The following CEP70 variants were observed in gnomAD, a reference collection of about 807,000 sequenced individuals.
CEP70 encodes the protein centrosomal protein 70, also known as centrosomal protein of 70 kDa.
A neutral mutation model predicts 90.9 loss-of-function variants in CEP70; 70 were observed. That is an observed-to-expected ratio of 0.77 (90% confidence interval 0.64 to 0.94). The LOEUF (loss-of-function observed/expected upper bound fraction) is 0.94, where lower values mean the gene tolerates loss of function less well. Ranked by LOEUF, CEP70 falls within the 40% of genes least tolerant of loss-of-function variation. The pLI is 0.00. For synonymous variants in CEP70, 220 were observed against 228.3 expected, an observed-to-expected ratio of 0.96 and a Z score of 0.33; for missense variants, 648 against 669.0, an observed-to-expected ratio of 0.97 and a Z score of 0.35.
intron 6 of CEP70, among the ~76,000 whole-genome samples, chr3:138,540,393 A>C (rs1306299833): frequency 6.6e-6 from 1 of 151,904 alleles, no homozygotes; most frequent in Non-Finnish European, 1.5e-5. Flanking sequence ...CAGGAGGCTG[A>C]AGGAGGGGAA....
intron 10 of CEP70, among the ~76,000 whole-genome samples, chr3:138,527,239 C>T (rs186642188): frequency 1.4e-4 from 20 of 147,278 alleles, no homozygotes; most frequent in Admixed American, 1.3e-3. Context: ...GATCACAGCT[C>T]ACTGCAGCCT....
chr3:138,507,682 C>T (rs1168837298), intron 12 of CEP70, among the ~76,000 whole-genome samples: 1 of 152,038 alleles, frequency 6.6e-6, no homozygotes, highest in Non-Finnish European at 1.5e-5. Context: ...CCAGAGAATT[C>T]AGGTACGAGT....
At chr3:138,521,734 T>C (rs1387686116) in intron 11 of CEP70, among the ~76,000 whole-genome samples, 2 of 152,012 alleles carry the variant, frequency 1.3e-5, no homozygotes, top group African/African-American at 4.8e-5. Context: ...CGCCGCCATG[T>C]CTGGGAAGTG....
chr3:138,562,428 T>G (rs1366783340), intron 6 of CEP70, among the ~76,000 whole-genome samples: 2 of 151,818 alleles, frequency 1.3e-5, no homozygotes, highest in African/African-American at 2.4e-5. Context: ...AAGGTTGAAA[T>G]GAAGGAAAAA....
intron 16 of CEP70, among the ~76,000 whole-genome samples, chr3:138,498,313 A>T (rs1189821420): frequency 6.6e-6 from 1 of 151,292 alleles, no homozygotes; most frequent in African/African-American, 2.4e-5. Context: ...TCAATGTAAA[A>T]TTTGTTAAAT....
At chr3:138,588,339 G>C (rs2042208917) in intron 2 of CEP70, among the ~76,000 whole-genome samples, 1 of 152,108 alleles carries the variant, frequency 6.6e-6, no homozygotes, top group Admixed American at 6.5e-5. Context: ...ATCAGAAAAG[G>C]TTCATATCCA....
intron 2 of CEP70, among the ~76,000 whole-genome samples, chr3:138,581,950 G>C (rs1444168622): frequency 1.3e-5 from 2 of 151,940 alleles, no homozygotes; most frequent in East Asian, 3.9e-4. Flanking sequence ...CTCCGTATAG[G>C]CCAAGAGTGG....
In CEP70 at chr3:138,537,191, C is replaced by CG. The variant is rs2038349353; in HGVS notation, c.621dup (p.Val208ArgfsTer4). On this transcript the variant is annotated frameshift_variant, in exon 7 of 18. Coordinates refer to ENST00000264982, the MANE Select transcript of CEP70 (RefSeq NM_024491.4). LOFTEE classifies it high-confidence loss of function. ...TAGCAAAATTACTGTCTATCCAAGACGGTATGAGGAACTCTTTTGCACAGA... is the reference window on the plus strand; with the variant it reads ...TAGCAAAATTACTGTCTATCCAAGACGGGTATGAGGAACTCTTTTGCACAGA... 2.6e-6 allele frequency: 4 copies of CG among 1,562,862 alleles called. No homozygotes were observed. Among genetic ancestry groups the CG allele is most frequent in the Non-Finnish European group, 3.4e-6 (4 of 1,160,158 alleles).
At chr3:138,572,755 T>C in intron 3 of CEP70, 104 bp downstream of exon 3, 1 of 797,842 alleles carries the variant, frequency 1.3e-6, no homozygotes, top group South Asian at 1.5e-5. Flanking sequence ...TTCCTAAAAT[T>C]ATTTGAGAAA....
intron 6 of CEP70, among the ~76,000 whole-genome samples, chr3:138,559,829 T>C (rs2040272215): frequency 6.6e-6 from 1 of 152,234 alleles, no homozygotes. Flanking sequence ...GACAATTGAA[T>C]TCTCAGCAGA....
At chr3:138,590,527 A>G (rs1341899787) in intron 2 of CEP70, among the ~76,000 whole-genome samples, 2 of 152,096 alleles carry the variant, frequency 1.3e-5, no homozygotes, top group Non-Finnish European at 2.9e-5. Context: ...GGCTGATTTC[A>G]TATCTGCGAT....
At chr3:138,580,619 C>A (rs548881345) in intron 2 of CEP70, among the ~76,000 whole-genome samples, 4 of 152,072 alleles carry the variant, frequency 2.6e-5, no homozygotes, top group Non-Finnish European at 4.4e-5. Context: ...CAGACACCAA[C>A]AAACATCTAC....
At chr3:138,553,966 G>T (rs1467129535) in intron 6 of CEP70, among the ~76,000 whole-genome samples, 1 of 152,162 alleles carries the variant, frequency 6.6e-6, no homozygotes, top group Non-Finnish European at 1.5e-5. Flanking sequence ...GGAGGCTGAG[G>T]TGGGTGGATC....
chr3:138,593,270 T>C (rs903854238), intron 1 of CEP70, among the ~76,000 whole-genome samples: 11 of 152,242 alleles, frequency 7.2e-5, no homozygotes, highest in South Asian at 2.1e-4. Flanking sequence ...TCACCCAGGC[T>C]GGAGTGCAGT....
At chr3:138,583,427 G>C (rs1009719604) in intron 2 of CEP70, among the ~76,000 whole-genome samples, 13 of 152,156 alleles carry the variant, frequency 8.5e-5, no homozygotes, top group Admixed American at 7.2e-4. Flanking sequence ...AGAATCATCT[G>C]ACTTAATCTG....
chr3:138,510,603 C>T (rs1406653862), intron 11 of CEP70, among the ~76,000 whole-genome samples: 1 of 152,082 alleles, frequency 6.6e-6, no homozygotes, highest in African/African-American at 2.4e-5. Context: ...GCAGGCAGAG[C>T]GCATCGTTAA....
intron 11 of CEP70, among the ~76,000 whole-genome samples, chr3:138,509,843 G>C (rs2035354984): frequency 6.6e-6 from 1 of 151,972 alleles, no homozygotes; most frequent in African/African-American, 2.4e-5. Context: ...TCACTTAGTA[G>C]CCATCTTGAT....
At chr3:138,534,006 G>C (rs1037355280) in intron 7 of CEP70, among the ~76,000 whole-genome samples, 1 of 152,048 alleles carries the variant, frequency 6.6e-6, no homozygotes, top group African/African-American at 2.4e-5. Context: ...GGATGGTCTC[G>C]ATCTCCTGAC....
chr3:138,594,041 C>T (rs1452132768), intron 1 of CEP70, 157 bp downstream of exon 1: 1 of 152,354 alleles, frequency 6.6e-6, no homozygotes, highest in South Asian at 2.1e-4. Context: ...TCCCCAAACC[C>T]TTACGCAGGG....
Sources: gnomAD v4.1 joint callset for allele counts (sites outside exome capture counted in the v4.1 genomes callset) on GRCh38, gnomAD v4.1.1 for gene constraint, MANE v1.5 for transcripts, NCBI Gene and HGNC (gene_info 2026-07-23, HGNC 2026-07-21) for gene names.